The following TULP4 variants were observed in gnomAD, a reference collection of about 807,000 sequenced individuals.
TULP4 encodes TUB like protein 4, also known as tubby-related protein 4.
TULP4 carries 16 observed loss-of-function variants against 129.0 expected under a neutral mutation model. That is an observed-to-expected ratio of 0.12 (90% CI 0.08 to 0.19). The LOEUF (loss-of-function observed/expected upper bound fraction) is 0.19, where lower values mean the gene tolerates loss of function less well. TULP4 is among the 10% of genes least tolerant of loss of function. The pLI is 1.00. For synonymous variants in TULP4, 998 were observed against 854.0 expected, an observed-to-expected ratio of 1.17 and a Z score of -2.94; for missense variants, 1,842 against 2,059.1, an observed-to-expected ratio of 0.89 and a Z score of 2.04.
At chr6:158,311,282 G>A (rs1047171261), upstream of TULP4, among the ~76,000 whole-genome samples, 5 of 152,254 alleles carry the variant, frequency 3.3e-5, no homozygotes, top group African/African-American at 1.2e-4. Flanking sequence ...ATGGGGCTGG[G>A]CCGCTTCAGC....
intron 8 of TULP4, among the ~76,000 whole-genome samples, chr6:158,485,812 C>G (rs111649696): frequency 1.2e-4 from 18 of 152,336 alleles, no homozygotes; most frequent in Admixed American, 3.3e-4. Flanking sequence ...TTGCTTGGAA[C>G]CTGTCACCAC....
rs536199457 is a variant in TULP4 at position 158,488,274 on chromosome 6, C to A, written c.1487-1314C>A. Among the ~76,000 whole-genome samples the A allele has an allele frequency of 9.2e-5, 14 of 152,250 alleles. No homozygotes were observed. The South Asian group carries it at 2.7e-3, about 29-fold the overall frequency. On this transcript the variant is annotated intron_variant, in intron 8 of 13. Coordinates refer to ENST00000367097, the MANE Select transcript of TULP4 (RefSeq NM_020245.5). ...CACATTCTGTAGGCTTGCATGCATGCTTGAGTCATAGCTGAGATTCCTTTG... is the reference window on the plus strand; with the variant it reads ...CACATTCTGTAGGCTTGCATGCATGATTGAGTCATAGCTGAGATTCCTTTG...
intron 1 of TULP4, among the ~76,000 whole-genome samples, chr6:158,338,097 C>T (rs1178795237): frequency 6.6e-6 from 1 of 152,176 alleles, no homozygotes; most frequent in African/African-American, 2.4e-5. Context: ...TAACAGTCTT[C>T]AGAGCACCTG....
intron 1 of TULP4, among the ~76,000 whole-genome samples, chr6:158,378,962 T>G (rs1003788650): frequency 2.6e-5 from 4 of 152,164 alleles, no homozygotes; most frequent in Admixed American, 1.3e-4. Context: ...GGTAGATTCA[T>G]GAGAATGATG....
intron 1 of TULP4, among the ~76,000 whole-genome samples, chr6:158,369,892 A>G (rs1343680704): frequency 6.6e-6 from 1 of 152,136 alleles, no homozygotes; most frequent in Non-Finnish European, 1.5e-5. Context: ...TGCACATTCA[A>G]AAAATAAATA....
intron 6 of TULP4, among the ~76,000 whole-genome samples, chr6:158,465,215 TA>T (rs1271416017): frequency 1.3e-5 from 2 of 152,164 alleles, no homozygotes; most frequent in Non-Finnish European, 2.9e-5. Context: ...GCCCATTCCG[TA>T]GGTTGGGTGG....
intron 3 of TULP4, 146 bp from the exon 4 acceptor site, chr6:158,448,849 AT>A (rs1370208720): frequency 1.3e-6 from 1 of 750,238 alleles, no homozygotes; most frequent in Non-Finnish European, 2.1e-6. Flanking sequence ...TCTACTTAAC[AT>A]TTTGTGTCAC....
At chr6:158,480,841 T>TA (rs1302786268) in intron 7 of TULP4, among the ~76,000 whole-genome samples, 1 of 152,204 alleles carries the variant, frequency 6.6e-6, no homozygotes, top group African/African-American at 2.4e-5. Flanking sequence ...CTGGTTTAGA[T>TA]ATGCTTCGAA....
At chr6:158,293,393 T>A (rs1218976366) in intron 1 of TULP4, among the ~76,000 whole-genome samples, 1 of 152,220 alleles carries the variant, frequency 6.6e-6, no homozygotes, top group Non-Finnish European at 1.5e-5. Flanking sequence ...TGAGGCAATG[T>A]GCCATGCTCA....
At chr6:158,462,148 C>T (rs1288875495) in intron 6 of TULP4, among the ~76,000 whole-genome samples, 2 of 152,156 alleles carry the variant, frequency 1.3e-5, no homozygotes, top group African/African-American at 2.4e-5. Context: ...CTCCTGCATA[C>T]GTGGGAGTTA....
At chr6:158,307,935 A>G (rs1779245954), upstream of TULP4, among the ~76,000 whole-genome samples, 1 of 152,120 alleles carries the variant, frequency 6.6e-6, no homozygotes, top group Admixed American at 6.5e-5. Context: ...GCAAGCTCAT[A>G]GTGATGAGTG....
intron 1 of TULP4, among the ~76,000 whole-genome samples, chr6:158,349,238 A>G (rs1416212871): frequency 1.8e-5 from 1 of 56,496 alleles, no homozygotes; most frequent in African/African-American, 6.9e-5. Flanking sequence ...CGCTCCTCAC[A>G]TCCCAGATGG....
intron 1 of TULP4, among the ~76,000 whole-genome samples, chr6:158,362,470 T>C (rs1406323465): frequency 6.6e-6 from 1 of 152,152 alleles, no homozygotes; most frequent in African/African-American, 2.4e-5. Context: ...CCGCCTCAGC[T>C]TCTCAAGTAG....
intron 1 of TULP4, among the ~76,000 whole-genome samples, chr6:158,318,597 G>A (rs1779546096): frequency 6.6e-6 from 1 of 152,208 alleles, no homozygotes; most frequent in African/African-American, 2.4e-5. Flanking sequence ...TTGTATGGAG[G>A]AGAACTGGAA....
chr6:158,356,956 G>A (rs1562533146), intron 1 of TULP4, among the ~76,000 whole-genome samples: 1 of 152,160 alleles, frequency 6.6e-6, no homozygotes, highest in African/African-American at 2.4e-5. Flanking sequence ...GCTGTGCCTA[G>A]CAACATGGGG....
intron 6 of TULP4, among the ~76,000 whole-genome samples, chr6:158,477,175 G>C (rs1044639387): frequency 1.3e-5 from 2 of 152,142 alleles, no homozygotes; most frequent in African/African-American, 4.8e-5. Flanking sequence ...AGGTCTGTGT[G>C]AGTGGTTTAA....
intron 1 of TULP4, among the ~76,000 whole-genome samples, chr6:158,305,338 T>C (rs1016409823): frequency 1.0e-3 from 151 of 149,990 alleles, no homozygotes; most frequent in Admixed American, 8.5e-3. Flanking sequence ...TGTGTGTGTG[T>C]GTGTGTGTGT....
chr6:158,253,222 G>C (rs993433547), intron 1 of TULP4, among the ~76,000 whole-genome samples: 2 of 152,230 alleles, frequency 1.3e-5, no homozygotes, highest in Non-Finnish European at 2.9e-5. Context: ...GTCTAGGAGA[G>C]AAAGTCACCC....
rs182431026 is a variant in TULP4, at chr6:158,370,412, G to A, written c.253-42653G>A. Among the ~76,000 whole-genome samples, 39 of 134,416 alleles carry A rather than the reference G, an allele frequency of 2.9e-4. No homozygotes were observed. In the East Asian group the frequency reaches 5.5e-3, roughly 19 times the overall value. 88.2% of individuals were successfully genotyped at this position (134,416 alleles called of 152,430 possible). A position where few individuals can be genotyped will look rare whatever the true frequency, so the allele number is the denominator to read the frequency against. On this transcript the variant is annotated intron_variant, in intron 1 of 13. Transcript: ENST00000367097. ...ACAGAGGCTGCAGTGAGCCAAGATC[G>A]TGCCATTGCACTCCAGCCTGGACAA...
Sources: gnomAD v4.1 joint callset for allele counts (sites outside exome capture counted in the v4.1 genomes callset) on GRCh38, gnomAD v4.1.1 for gene constraint, MANE v1.5 for transcripts, NCBI Gene and HGNC (gene_info 2026-07-23, HGNC 2026-07-21) for gene names.